Variants in WDPCP observed in about 807,000 individuals in gnomAD.
The protein encoded by WDPCP is WD repeat containing planar cell polarity effector.
Under a neutral mutation model 93.1 loss-of-function variants are expected in WDPCP, and 71 were observed. The ratio of observed to expected loss-of-function variants is 0.76; its 90% confidence interval spans 0.63 to 0.93. The LOEUF (loss-of-function observed/expected upper bound fraction) is 0.93, where lower values mean the gene tolerates loss of function less well. Among genes scored for constraint, WDPCP ranks in the 40% least tolerant of loss-of-function variants. The pLI, the probability that WDPCP is intolerant of heterozygous loss-of-function variation, is 0.00. For missense variants in WDPCP, 844 were observed against 887.4 expected (o/e 0.95, Z 0.62); for synonymous variants, 315 against 315.0 (o/e 1.00, Z 0.00).
chr2:63,450,956 A>AACC (rs1327641140), intron 6 of WDPCP, among the ~76,000 whole-genome samples: 2 of 152,154 alleles, frequency 1.3e-5, no homozygotes, highest in Non-Finnish European at 2.9e-5. Flanking sequence ...GGAAATATAA[A>AACC]ACCTCCAAAG....
chr2:63,272,921 C>T (rs1284970023), intron 13 of WDPCP, among the ~76,000 whole-genome samples: 6 of 152,050 alleles, frequency 3.9e-5, no homozygotes, highest in Admixed American at 3.3e-4. Context: ...TAAATAGATA[C>T]AATCCAAAAA....
intron 9 of WDPCP, among the ~76,000 whole-genome samples, chr2:63,406,369 T>G (rs911375602): frequency 6.6e-6 from 1 of 152,206 alleles, no homozygotes; most frequent in Non-Finnish European, 1.5e-5. Flanking sequence ...AGTCATTTTC[T>G]TTTTTGTCCA....
At chr2:63,406,909 G>T (rs944822348) in intron 9 of WDPCP, among the ~76,000 whole-genome samples, 2 of 152,126 alleles carry the variant, frequency 1.3e-5, no homozygotes, top group African/African-American at 4.8e-5. Flanking sequence ...GAAAGAGAAT[G>T]ACAAAGACAA....
chr2:63,483,299 G>A (rs1386890584), intron 6 of WDPCP, among the ~76,000 whole-genome samples: 5 of 151,812 alleles, frequency 3.3e-5, no homozygotes, highest in Admixed American at 6.6e-5. Flanking sequence ...TTTCTGGAGC[G>A]TATTTTGTAT....
intron 3 of WDPCP, among the ~76,000 whole-genome samples, chr2:63,645,194 T>C (rs1710033454): frequency 6.6e-6 from 1 of 152,190 alleles, no homozygotes; most frequent in African/African-American, 2.4e-5. Flanking sequence ...GGTTTTGGTA[T>C]GTTGTGTTGC....
At chr2:63,433,983 G>C (rs1390622085) in intron 8 of WDPCP, 47 bp from the exon 9 acceptor site, 1 of 1,575,232 alleles carries the variant, frequency 6.3e-7, no homozygotes, top group Admixed American at 1.7e-5. Flanking sequence ...TTTAAAAGAT[G>C]CAAAATCCTC....
intron 13 of WDPCP, among the ~76,000 whole-genome samples, chr2:63,276,721 T>C (rs910655233): frequency 1.6e-4 from 25 of 152,304 alleles, no homozygotes; most frequent in African/African-American, 4.6e-4. Context: ...TATAAGAAGT[T>C]TGGGATTTGT....
intron 13 of WDPCP, among the ~76,000 whole-genome samples, chr2:63,288,994 T>C (rs1179000119): frequency 2.5e-4 from 38 of 152,098 alleles, no homozygotes; most frequent in Admixed American, 2.5e-3. Context: ...TACTGCAATA[T>C]ATGAGGTGAC....
At chr2:63,648,843 C>T (rs918289119) in intron 3 of WDPCP, among the ~76,000 whole-genome samples, 5 of 152,110 alleles carry the variant, frequency 3.3e-5, no homozygotes, top group Admixed American at 6.6e-5. Context: ...CTGCCAATTC[C>T]AATCAAAGAT....
chr2:63,615,398 C>T (rs184997774), intron 3 of WDPCP, among the ~76,000 whole-genome samples: 1 of 152,170 alleles, frequency 6.6e-6, no homozygotes, highest in East Asian at 1.9e-4. Flanking sequence ...TCAGCACATG[C>T]ACAGTAGGAA....
intron 12 of WDPCP, among the ~76,000 whole-genome samples, chr2:63,355,674 A>G (rs1689966112): frequency 2.6e-5 from 4 of 151,962 alleles, no homozygotes; most frequent in Admixed American, 2.6e-4. Flanking sequence ...GAGGTCAGGA[A>G]TTCAAGGCCA....
intron 14 of WDPCP, among the ~76,000 whole-genome samples, chr2:63,241,015 A>G (rs1190857842): frequency 6.6e-6 from 1 of 152,234 alleles, no homozygotes; most frequent in African/African-American, 2.4e-5. Context: ...TAACTAATTT[A>G]GAGAAAATCC....
At chr2:63,145,884 G>C (rs891148712) in intron 17 of WDPCP, among the ~76,000 whole-genome samples, 2 of 152,084 alleles carry the variant, frequency 1.3e-5, no homozygotes, top group African/African-American at 4.8e-5. Context: ...TGATTTCCTT[G>C]AGCAGTGTTT....
At chr2:63,420,884 C>T (rs1695809851) in intron 9 of WDPCP, among the ~76,000 whole-genome samples, 1 of 152,142 alleles carries the variant, frequency 6.6e-6, no homozygotes, top group Admixed American at 6.6e-5. Context: ...TGTTGGTAGG[C>T]ATTTAAGTTG....
intron 17 of WDPCP, among the ~76,000 whole-genome samples, chr2:63,122,773 TAAAG>T (rs1375227057): frequency 6.6e-6 from 1 of 151,914 alleles, no homozygotes; most frequent in African/African-American, 2.4e-5. Context: ...AAGTAAAAGG[TAAAG>T]AGAGTAGGGA....
At position 63,783,431 on chromosome 2, in the gene WDPCP, T is replaced by A. The variant is rs564121166; in HGVS notation, n.308+30191A>T. Among the ~76,000 whole-genome samples the A allele has an allele frequency of 1.0e-3, 151 of 151,740 alleles. 1 individual carries two copies. The highest frequency in any genetic ancestry group is 3.6e-3 in the African/African-American group (147 of 41,392). On this transcript the variant is annotated intron_variant and non_coding_transcript_variant, in intron 2 of 4. Coordinates refer to the WDPCP transcript ENST00000467687. ...GAAGACTCTGTCTCTAAAAAAAAAA[T>A]TTTAATAAATAAATAATCTTTTAAA...
chr2:63,259,471 G>A (rs1200792585), intron 13 of WDPCP, 62 bp from the exon 14 acceptor site: 3 of 1,236,964 alleles, frequency 2.4e-6, no homozygotes, highest in Admixed American at 1.7e-5. Context: ...GTTACAAGGA[G>A]GATTTTGAAG....
At chr2:63,230,507 G>T (rs189856085) in intron 14 of WDPCP, among the ~76,000 whole-genome samples, 3 of 152,156 alleles carry the variant, frequency 2.0e-5, no homozygotes, top group African/African-American at 7.2e-5. Context: ...TTGAGGAATC[G>T]CCACACTGTC....
At chr2:63,690,674 G>A (rs1375318944) in intron 2 of WDPCP, among the ~76,000 whole-genome samples, 1 of 152,152 alleles carries the variant, frequency 6.6e-6, no homozygotes, top group Non-Finnish European at 1.5e-5. Context: ...CCAGGAGGCA[G>A]AGCCTGCAGT....
Sources: gnomAD v4.1 joint callset for allele counts (sites outside exome capture counted in the v4.1 genomes callset) on GRCh38, gnomAD v4.1.1 for gene constraint, MANE v1.5 for transcripts, NCBI Gene and HGNC (gene_info 2026-07-23, HGNC 2026-07-21) for gene names.